The following MRPS11 variants were observed in gnomAD, a reference collection of about 807,000 sequenced individuals.
The protein encoded by MRPS11 is small ribosomal subunit protein uS11m.
MRPS11 carries 27 observed loss-of-function variants against 24.3 expected under a neutral mutation model. That is an observed-to-expected ratio of 1.11 (90% CI 0.82 to 1.53). MRPS11 has a LOEUF of 1.53. Among genes scored for constraint, MRPS11 ranks in the 40% most tolerant of loss-of-function variants. The pLI is 0.00. For synonymous variants in MRPS11, 104 were observed against 98.7 expected (o/e 1.05, Z -0.32); for missense variants, 277 against 256.5 (o/e 1.08, Z -0.55).
chr15:88,468,104 G>A, intron 2 of MRPS11, 80 bp downstream of exon 2: 6 of 1,516,520 alleles, frequency 4.0e-6, no homozygotes, highest in Non-Finnish European at 4.4e-6. Context: ...CAGAACCAGT[G>A]AATTTTCAGC....
intron 2 of MRPS11, chr15:88,468,435 G>T (rs901102044): frequency 9.6e-7 from 1 of 1,039,270 alleles, no homozygotes; most frequent in Non-Finnish European, 1.2e-6. Context: ...TGGGTTTTGT[G>T]CTCAGCCCTA....
chr15:88,475,231 G>A lies in MRPS11; in HGVS notation c.403G>A (p.Ala135Thr), dbSNP rs138959508. 85 of 1,614,066 alleles carry A rather than the reference G, an allele frequency of 5.3e-5. No homozygotes were observed. The highest frequency in any genetic ancestry group is 6.6e-5 in the Non-Finnish European group (78 of 1,180,024). ...GIAAQTAGIAAAARAKQKGVI... is the reference protein window; with the variant it reads ...GIAAQTAGIATAARAKQKGVI... ...CGCAGCACAGACAGCAGGCATAGCC[G>A]CAGCGGCGGTAAGTGTGTGTTCCTT... is the stretch of plus-strand genomic sequence containing the variant. The change falls in exon 4 of 6, where the codon GCA becomes ACA. Residue 135 changes from alanine (A) to threonine (T), a missense_variant. Transcript: ENST00000325844. The surrounding 1 kb of genome is among the most constrained non-coding windows in gnomAD (Gnocchi z 4.1).
In MRPS11 at chr15:88,478,843, A is replaced by T. The variant is rs1344473336; in HGVS notation, c.*864A>T. 1 of 151,850 alleles carries T rather than the reference A, an allele frequency of 6.6e-6. No individual in the cohort carries two copies. The highest frequency in any genetic ancestry group is 1.9e-4 in the East Asian group (1 of 5,174). The allele number at this position is 151,850 out of a possible 1,614,324, so 9.4% of individuals were successfully genotyped here. On this transcript the variant is annotated 3_prime_UTR_variant, in exon 6 of 6. Coordinates refer to ENST00000325844, the MANE Select transcript of MRPS11 (RefSeq NM_022839.5). The surrounding 1 kb of genome is among the most constrained non-coding windows in gnomAD (Gnocchi z 4.7). ...CTCTCTACTAAAAATACAAAAATTA[A>T]CCAGGCATGGTGGTGTGCGCCTGTA...
In MRPS11 at chr15:88,472,666, G is replaced by A; in HGVS notation, c.222G>A (p.Arg74=). ...TTCCAGGAGAGGAGAGCTCTCTGAG[G>A]TGGGCAGGAAAGAAATTTGAGGAGA... ...PPIPGEESSL[R]WAGKKFEEIP... Residue 74 remains arginine (R), a synonymous_variant, in exon 3 of 6, where the codon AGG becomes AGA. Transcript: ENST00000325844. 1.2e-6 allele frequency: 2 copies of A among 1,614,116 alleles called. No individual in the cohort carries two copies. The highest frequency in any genetic ancestry group is 1.3e-5 in the African/African-American group (1 of 75,044).
Position 88,475,038 on chromosome 15 carries a change from G to C in MRPS11, c.282-72G>C. 1 of 1,558,498 alleles carries C rather than the reference G, an allele frequency of 6.4e-7. No individual in the cohort carries two copies. Reference sequence around the variant, plus strand: ...TTTTCTTTCTCACCCAGGCTTCTAGGGGCATAGATTAGCTCTCTCTTATTT... The same window carrying C: ...TTTTCTTTCTCACCCAGGCTTCTAGCGGCATAGATTAGCTCTCTCTTATTT... On this transcript the variant is annotated intron_variant, in intron 3 of 5. Transcript: ENST00000325844. The surrounding 1 kb of genome is among the most constrained non-coding windows in gnomAD (Gnocchi z 4.1).
chr15:88,468,764 C>G lies in MRPS11; in HGVS notation c.182+740C>G, dbSNP rs138535142. Reference sequence around the variant, plus strand: ...GTAGCTCATGCCTTTAATCCCAGCACTTTAGGCGGCCAAGGTGGGCGAATT... The same window carrying G: ...GTAGCTCATGCCTTTAATCCCAGCAGTTTAGGCGGCCAAGGTGGGCGAATT... On this transcript the variant is annotated intron_variant, in intron 2 of 5. Coordinates refer to ENST00000325844, the MANE Select transcript of MRPS11 (RefSeq NM_022839.5). 4.8e-3 allele frequency: 759 copies of G among 156,830 alleles called. 8 individuals are homozygous for G. Among genetic ancestry groups the G allele is most frequent in the South Asian group, 0.045 (221 of 4,900 alleles). The allele number at this position is 156,830 out of a possible 1,614,324, so 9.7% of individuals were successfully genotyped here. A position where few individuals can be genotyped will look rare whatever the true frequency, so the allele number is the denominator to read the frequency against.
intron 2 of MRPS11, among the ~76,000 whole-genome samples, chr15:88,471,920 T>A (rs1333136172): frequency 6.6e-6 from 1 of 152,228 alleles, no homozygotes; most frequent in Non-Finnish European, 1.5e-5. Context: ...ATGTTCAGCC[T>A]GCATTGAAAA....
In MRPS11 at chr15:88,467,921, A is replaced by C. The variant is rs199770606; in HGVS notation, c.79A>C (p.Arg27=). The C allele has an allele frequency of 3.5e-5, 56 of 1,613,632 alleles. No homozygotes were observed. Among genetic ancestry groups the C allele is most frequent in the Non-Finnish European group, 4.2e-5 (50 of 1,180,012 alleles). Residue 27 remains arginine (R), a synonymous_variant, in exon 2 of 6, where the codon AGA becomes CGA. Transcript: ENST00000325844. The part of the protein sequence containing the change: ...WPQTAGRVVA[R]TPAGTICTGA... ...TTTTCTTCCCAGCAGGGTCGTGGCC[A>C]GAACGCCGGCCGGGACCATCTGCAC...
chr15:88,472,772 C>A, intron 3 of MRPS11, 47 bp downstream of exon 3: 1 of 1,488,824 alleles, frequency 6.7e-7, no homozygotes, highest in Non-Finnish European at 9.3e-7. Flanking sequence ...GAGATTCTTT[C>A]CACTTCACAG....
intron 2 of MRPS11, 88 bp from the exon 3 acceptor site, chr15:88,472,539 G>A: frequency 9.1e-7 from 1 of 1,103,874 alleles, no homozygotes; most frequent in Non-Finnish European, 1.3e-6. Flanking sequence ...AGGGGGCACA[G>A]AGCTGTTATT....
rs576217619 is a variant in MRPS11 at position 88,467,961 on chromosome 15, T to C, written c.119T>C (p.Leu40Pro). Reference protein sequence around the residue: ...AGTICTGARQLQDAAAKQKVE... With the variant: ...AGTICTGARQPQDAAAKQKVE... ...ACCATCTGCACAGGCGCTCGACAGC[T>C]CCAAGACGCTGCGGCCAAGCAGAAA... Residue 40 changes from leucine to proline, a missense_variant, in exon 2 of 6, where the codon CTC becomes CCC. Coordinates refer to ENST00000325844, the MANE Select transcript of MRPS11 (RefSeq NM_022839.5). 2 of 1,612,792 alleles carry C rather than the reference T, an allele frequency of 1.2e-6. No individual in the cohort carries two copies. Among genetic ancestry groups the C allele is most frequent in the East Asian group, 2.2e-5 (1 of 44,830 alleles).
rs375579252 is a variant in MRPS11, at chr15:88,475,512, A to G, written c.411+273A>G. On this transcript the variant is annotated intron_variant, in intron 4 of 5. Coordinates refer to ENST00000325844, the MANE Select transcript of MRPS11 (RefSeq NM_022839.5). The surrounding 1 kb of genome is among the most constrained non-coding windows in gnomAD (Gnocchi z 4.1). The stretch of plus-strand genomic sequence containing the variant: ...AGGCTTGAGAACCAAAGACCCCTCA[A>G]TTTAAAAACCGTTAGCCAGGTCTGG... 6.6e-6 allele frequency among the ~76,000 whole-genome samples: 1 copy of G among 152,216 alleles called. No individual in the cohort carries two copies. The highest frequency in any genetic ancestry group is 2.4e-5 in the African/African-American group (1 of 41,452).
intron 3 of MRPS11, among the ~76,000 whole-genome samples, chr15:88,473,879 C>T (rs2055766681): frequency 1.3e-5 from 2 of 152,196 alleles, no homozygotes; most frequent in South Asian, 4.1e-4. Flanking sequence ...TAATAAGTAA[C>T]TTATTAGAGA....
intron 3 of MRPS11, among the ~76,000 whole-genome samples, chr15:88,474,460 G>A (rs2055778329): frequency 6.6e-6 from 1 of 151,768 alleles, no homozygotes; most frequent in Non-Finnish European, 1.5e-5. Context: ...TCTGAAGGCT[G>A]AGGCAGAAGA....
At chr15:88,472,571 C>A in intron 2 of MRPS11, 56 bp from the exon 3 acceptor site, 1 of 1,445,570 alleles carries the variant, frequency 6.9e-7, no homozygotes, top group Non-Finnish European at 9.6e-7. Context: ...TGTTGTATTT[C>A]TTTGATTTTT....
chr15:88,470,839 A>G (rs1248788070), intron 2 of MRPS11, among the ~76,000 whole-genome samples: 1 of 152,200 alleles, frequency 6.6e-6, no homozygotes, highest in African/African-American at 2.4e-5. Flanking sequence ...GGGAATAGAG[A>G]AATGGACAAT....
At chr15:88,471,454 A>G (rs981659264) in intron 2 of MRPS11, among the ~76,000 whole-genome samples, 5 of 152,294 alleles carry the variant, frequency 3.3e-5, no homozygotes, top group Admixed American at 2.6e-4. Context: ...TGAATCTGAT[A>G]TATGTGTGTA....
At chr15:88,476,756 G>A (rs1567046624) in intron 4 of MRPS11, 2 of 452,244 alleles carry the variant, frequency 4.4e-6, no homozygotes, top group Non-Finnish European at 7.9e-6. Flanking sequence ...TTAGGTGGCG[G>A]TGCTGTCCTA....
Position 88,472,549 on chromosome 15 carries a change from T to G in MRPS11, c.183-78T>G, listed in dbSNP as rs549749450. The G allele has an allele frequency of 1.5e-4, 195 of 1,262,192 alleles. 1 individual carries two copies. In the African/African-American group the frequency reaches 2.5e-3, roughly 16 times the overall value. 78.2% of individuals were successfully genotyped at this position (1,262,192 alleles called of 1,614,324 possible). On this transcript the variant is annotated intron_variant, in intron 2 of 5. Coordinates refer to ENST00000325844, the MANE Select transcript of MRPS11 (RefSeq NM_022839.5). ...GCAGCAGGGGGCACAGAGCTGTTATTTTTTAACCATGTGTTGTATTTCTTT... is the reference window on the plus strand; with the variant it reads ...GCAGCAGGGGGCACAGAGCTGTTATGTTTTAACCATGTGTTGTATTTCTTT...
Sources: gnomAD v4.1 joint callset for allele counts (sites outside exome capture counted in the v4.1 genomes callset) on GRCh38, gnomAD v4.1.1 for gene constraint, Gnocchi (gnomAD v3.1) non-coding constraint, MANE v1.5 for transcripts, NCBI Gene and HGNC (gene_info 2026-07-23, HGNC 2026-07-21) for gene names.